PCDHA1: variants seen among roughly 807,000 people sequenced by gnomAD.
The protein encoded by PCDHA1 is protocadherin alpha-1.
In PCDHA1, 42 loss-of-function variants were observed where a neutral mutation model predicts 61.3. The ratio of observed to expected loss-of-function variants is 0.69; its 90% confidence interval spans 0.54 to 0.89. The LOEUF (loss-of-function observed/expected upper bound fraction) is 0.89. Ranked by LOEUF, PCDHA1 falls within the 40% of genes least tolerant of loss-of-function variation. The probability of loss-of-function intolerance (pLI) is 0.00; values close to 1 mark genes in which losing one functional copy is unlikely to be tolerated. For missense variants in PCDHA1, 1,256 were observed against 1,235.3 expected, an observed-to-expected ratio of 1.02 and a Z score of -0.25; for synonymous variants, 610 against 553.8, an observed-to-expected ratio of 1.10 and a Z score of -1.43.
chr5:140,884,105 C>T, intron 1 of PCDHA1: 2 of 1,613,466 alleles, frequency 1.2e-6, no homozygotes, highest in South Asian at 2.2e-5. Flanking sequence ...TGAATTGCAG[C>T]TGGCGGCGGT....
At chr5:140,882,000 G>A in intron 1 of PCDHA1, 1 of 477,842 alleles carries the variant, frequency 2.1e-6, no homozygotes, top group Non-Finnish European at 3.5e-6. Flanking sequence ...GGAAATGCAA[G>A]GGGCAAAAAA....
At chr5:140,967,142 C>T in intron 1 of PCDHA1, 1 of 1,611,304 alleles carries the variant, frequency 6.2e-7, no homozygotes, top group Non-Finnish European at 8.5e-7. Flanking sequence ...AGTGCTGGCG[C>T]ACAACCCCGT....
intron 3 of PCDHA1, among the ~76,000 whole-genome samples, chr5:140,995,873 C>T (rs1554254864): frequency 6.6e-6 from 1 of 152,126 alleles, no homozygotes; most frequent in Non-Finnish European, 1.5e-5. Flanking sequence ...AATTGTGCAA[C>T]CTGTGCTTCA....
chr5:140,824,847 A>T (rs1768370968), intron 1 of PCDHA1: 1 of 152,042 alleles, frequency 6.6e-6, no homozygotes, highest in African/African-American at 2.4e-5. Flanking sequence ...ACACTAATTT[A>T]GTTTGTTTTC....
chr5:140,842,159 T>A (rs2150330749), intron 1 of PCDHA1: 1 of 1,613,882 alleles, frequency 6.2e-7, no homozygotes, highest in South Asian at 1.1e-5. Context: ...AATTTCATAT[T>A]CTTTTAATAG....
intron 1 of PCDHA1, chr5:140,862,870 G>T: frequency 1.8e-6 from 1 of 569,162 alleles, no homozygotes; most frequent in Non-Finnish European, 3.4e-6. Flanking sequence ...GACGCTGCCA[G>T]GTATTAGTGC....
At chr5:140,906,340 C>T (rs1353616474) in intron 1 of PCDHA1, among the ~76,000 whole-genome samples, 1 of 152,138 alleles carries the variant, frequency 6.6e-6, no homozygotes, top group Non-Finnish European at 1.5e-5. Flanking sequence ...CTTCATACAA[C>T]CAAGAATGCA....
intron 3 of PCDHA1, 42 bp downstream of exon 3, chr5:140,982,605 A>G: frequency 1.9e-6 from 3 of 1,605,520 alleles, no homozygotes; most frequent in Non-Finnish European, 2.6e-6. Flanking sequence ...GGTTTCTGGA[A>G]AGTGATCAGA....
chr5:140,963,109 T>G (rs1490746394), intron 1 of PCDHA1, among the ~76,000 whole-genome samples: 1 of 152,128 alleles, frequency 6.6e-6, no homozygotes, highest in Non-Finnish European at 1.5e-5. Context: ...TCAGGTTGCT[T>G]ATAATTAAAG....
In PCDHA1 at chr5:140,850,045, T is replaced by C. The variant is rs2150464931; in HGVS notation, c.2394+61361T>C. 3.1e-6 allele frequency: 5 copies of C among 1,596,208 alleles called. No homozygotes were observed. In the African/African-American group the frequency reaches 5.4e-5, roughly 17 times the overall value. On this transcript the variant is annotated intron_variant, in intron 1 of 3. Coordinates refer to ENST00000504120, the MANE Select transcript of PCDHA1 (RefSeq NM_018900.4). Reference sequence around the variant, plus strand: ...TCAGTGCACGCGGAGAGCGGCAAGGTGTACGCGCTGCAGCCGTTGGACCAC... The same window carrying C: ...TCAGTGCACGCGGAGAGCGGCAAGGCGTACGCGCTGCAGCCGTTGGACCAC...
intron 1 of PCDHA1, among the ~76,000 whole-genome samples, chr5:140,946,597 T>A (rs952488909): frequency 1.5e-5 from 2 of 137,412 alleles, no homozygotes; most frequent in Admixed American, 7.5e-5. Context: ...GATGAATAGA[T>A]AAAGAAAATG....
At chr5:140,838,592 G>A (rs2150290515) in intron 1 of PCDHA1, among the ~76,000 whole-genome samples, 4 of 151,904 alleles carry the variant, frequency 2.6e-5, no homozygotes, top group South Asian at 2.1e-4. Flanking sequence ...AACAATAACC[G>A]AATTGTCTAG....
In PCDHA1 at chr5:140,969,065, A is replaced by G. The variant is rs1554231418; in HGVS notation, c.2395-9884A>G. 4.3e-6 allele frequency: 7 copies of G among 1,614,188 alleles called. No individual in the cohort carries two copies. The East Asian group carries it at 1.6e-4, about 36-fold the overall frequency. On this transcript the variant is annotated intron_variant, in intron 1 of 3. Coordinates refer to ENST00000504120, the MANE Select transcript of PCDHA1 (RefSeq NM_018900.4). ...ACAAGCCAACAACAATATTGATGCC[A>G]GGATACCGCATGGCCTCAAAGTGCA...
At chr5:140,824,646 A>G (rs1554130025) in intron 1 of PCDHA1, 2 of 90,532 alleles carry the variant, frequency 2.2e-5, no homozygotes, top group Non-Finnish European at 3.9e-5. Context: ...TTCTGTAGAG[A>G]TAGGGGTCTT....
chr5:140,799,381 A>T (rs782061172), intron 1 of PCDHA1, among the ~76,000 whole-genome samples: 1 of 152,156 alleles, frequency 6.6e-6, no homozygotes, highest in Non-Finnish European at 1.5e-5. Flanking sequence ...AAGTCCATGA[A>T]GTTTAAAAAT....
chr5:140,923,964 C>A (rs1410428693), intron 1 of PCDHA1, among the ~76,000 whole-genome samples: 1 of 152,160 alleles, frequency 6.6e-6, no homozygotes, highest in East Asian at 1.9e-4. Context: ...CTAATCTATA[C>A]CCACACATAC....
chr5:140,808,323 T>C (rs1764144511), intron 1 of PCDHA1: 5 of 1,614,264 alleles, frequency 3.1e-6, no homozygotes, highest in Non-Finnish European at 4.2e-6. Context: ...GACAAAGACA[T>C]GGGTGTCAAT....
At chr5:141,000,415 A>ATT (rs1563651650) in intron 3 of PCDHA1, among the ~76,000 whole-genome samples, 4 of 87,388 alleles carry the variant, frequency 4.6e-5, no homozygotes, top group African/African-American at 1.5e-4. Flanking sequence ...ATATATATAT[A>ATT]TATATATTTT....
At chr5:140,937,748 T>C (rs192465220) in intron 1 of PCDHA1, among the ~76,000 whole-genome samples, 1 of 151,812 alleles carries the variant, frequency 6.6e-6, no homozygotes, top group Admixed American at 6.6e-5. Context: ...CCGTCTCTAC[T>C]AAAAATACAA....
Sources: gnomAD v4.1 joint callset for allele counts (sites outside exome capture counted in the v4.1 genomes callset) on GRCh38, gnomAD v4.1.1 for gene constraint, MANE v1.5 for transcripts, NCBI Gene and HGNC (gene_info 2026-07-23, HGNC 2026-07-21) for gene names.